SPATA21: variants seen among roughly 807,000 people sequenced by gnomAD.
SPATA21 encodes spermatogenesis-associated protein 21.
Under a neutral mutation model 54.8 loss-of-function variants are expected in SPATA21, and 47 were observed. That is an observed-to-expected ratio of 0.86 (90% confidence interval 0.68 to 1.09). SPATA21 has a LOEUF of 1.09. Ranked by LOEUF, SPATA21 falls within the 50% of genes least tolerant of loss-of-function variation. The pLI, the probability that SPATA21 is intolerant of heterozygous loss-of-function variation, is 0.00. For synonymous variants in SPATA21, 245 were observed against 235.3 expected, an observed-to-expected ratio of 1.04 and a Z score of -0.38; for missense variants, 599 against 596.4, an observed-to-expected ratio of 1.00 and a Z score of -0.05.
At chr1:16,396,969 A>G (rs534417338), downstream of SPATA21, 1 of 152,426 alleles carries the variant, frequency 6.6e-6, no homozygotes, top group African/African-American at 2.4e-5. Context: ...TGCTATCTTT[A>G]TAGTTCCACT....
intron 5 of SPATA21, among the ~76,000 whole-genome samples, chr1:16,420,094 G>A (rs2086125904): frequency 6.6e-6 from 1 of 152,000 alleles, no homozygotes; most frequent in African/African-American, 2.4e-5. Flanking sequence ...AGGGAGACTG[G>A]GAAGGAGTTG....
At chr1:16,401,595 A>G (rs1364014902) in intron 10 of SPATA21, among the ~76,000 whole-genome samples, 2 of 152,108 alleles carry the variant, frequency 1.3e-5, no homozygotes, top group Non-Finnish European at 2.9e-5. Context: ...TGCATTACCT[A>G]TGATTACCTA....
chr1:16,422,577 C>T (rs1378013099), intron 3 of SPATA21, among the ~76,000 whole-genome samples: 5 of 151,298 alleles, frequency 3.3e-5, no homozygotes, highest in South Asian at 2.1e-4. Context: ...AAGAACACAG[C>T]TCATTGTAGC....
In SPATA21 at chr1:16,403,993, G is replaced by A. The variant is rs776546391; in HGVS notation, c.858C>T (p.Asp286=). Residue 286 remains aspartate (D), a synonymous_variant, in exon 9 of 13, where the codon GAC becomes GAT. Coordinates refer to ENST00000335496, the MANE Select transcript of SPATA21 (RefSeq NM_198546.1). ...DFKDFLAVMT[D]TRRFFCSVEQ... is the part of the protein sequence containing the mutation. ...CCACAGAGCAGAAGAAGCGCCTGGT[G>A]TCTGTCATCACAGCCAAGAAGTCTT... is the stretch of plus-strand genomic sequence containing the variant. 9.6e-6 allele frequency: 15 copies of A among 1,568,874 alleles called. No individual in the cohort carries two copies. In the South Asian group the frequency reaches 1.2e-4, roughly 12 times the overall value.
intron 7 of SPATA21, among the ~76,000 whole-genome samples, chr1:16,407,856 C>T (rs2085696283): frequency 6.6e-6 from 1 of 152,164 alleles, no homozygotes; most frequent in Admixed American, 6.5e-5. Context: ...ACCTCGAACT[C>T]CTGAGCTCAA....
At chr1:16,407,755 G>T (rs1208744056) in intron 7 of SPATA21, among the ~76,000 whole-genome samples, 1 of 150,718 alleles carries the variant, frequency 6.6e-6, no homozygotes, top group Admixed American at 6.6e-5. Flanking sequence ...ACTGCTCCCG[G>T]TTGGAGTTGT....
chr1:16,399,803 A>T (rs2085386988), intron 11 of SPATA21, among the ~76,000 whole-genome samples: 2 of 152,178 alleles, frequency 1.3e-5, no homozygotes, highest in Non-Finnish European at 2.9e-5. Context: ...GGACTTTGTG[A>T]TGGGTGTTGG....
intron 3 of SPATA21, among the ~76,000 whole-genome samples, chr1:16,426,107 C>A (rs910134337): frequency 1.3e-5 from 2 of 151,912 alleles, no homozygotes; most frequent in African/African-American, 4.8e-5. Context: ...AAACAAAAAT[C>A]AGAACTGGGA....
At chr1:16,424,261 C>G (rs927389129) in intron 3 of SPATA21, among the ~76,000 whole-genome samples, 1 of 114,126 alleles carries the variant, frequency 8.8e-6, no homozygotes, top group African/African-American at 3.4e-5. Flanking sequence ...TGCAGTGAGC[C>G]GAGATTGCGC....
rs2086608490 is a variant in SPATA21 at position 16,437,268 on chromosome 1, A to AATAG, written c.-331_-328dup. 1 of 152,270 alleles carries AATAG rather than the reference A, an allele frequency of 6.6e-6. No individual in the cohort carries two copies. Among genetic ancestry groups the AATAG allele is most frequent in the African/African-American group, 2.4e-5 (1 of 41,454 alleles). The allele number at this position is 152,270 out of a possible 1,614,324, so 9.4% of individuals were successfully genotyped here. ...TGGTATACAGGGCAGTTAAACTGGG[A>AATAG]ATAGATGGCAGGTCCAATTATTCTC... is the stretch of plus-strand genomic sequence containing the variant. On this transcript the variant is annotated 5_prime_UTR_variant, in exon 1 of 13. Transcript: ENST00000335496.
At chr1:16,412,526 G>A (rs140692975) in intron 5 of SPATA21, among the ~76,000 whole-genome samples, 193 of 152,134 alleles carry the variant, frequency 1.3e-3, no homozygotes, top group African/African-American at 4.1e-3. Context: ...GTAGTGGCAC[G>A]ATCTTGGCTC....
intron 5 of SPATA21, among the ~76,000 whole-genome samples, chr1:16,417,070 C>G (rs1202979001): frequency 6.6e-6 from 1 of 152,200 alleles, no homozygotes; most frequent in Admixed American, 6.5e-5. Flanking sequence ...CACGGTGAGC[C>G]TGCCTCACAT....
chr1:16,430,510 AGGCTG>A (rs1175957534), intron 3 of SPATA21, among the ~76,000 whole-genome samples: 3 of 152,208 alleles, frequency 2.0e-5, no homozygotes, highest in Non-Finnish European at 4.4e-5. Flanking sequence ...CTTAGGATGC[AGGCTG>A]GGCTCTGGGG....
intron 1 of SPATA21, among the ~76,000 whole-genome samples, chr1:16,436,761 G>A (rs900499404): frequency 1.8e-4 from 27 of 149,770 alleles, no homozygotes; most frequent in Non-Finnish European, 3.2e-4. Context: ...GCAAGACTCC[G>A]TCTCAAAAAA....
intron 5 of SPATA21, among the ~76,000 whole-genome samples, chr1:16,420,893 T>C (rs747980786): frequency 6.6e-6 from 1 of 152,130 alleles, no homozygotes; most frequent in Non-Finnish European, 1.5e-5. Context: ...CATGAGTGGT[T>C]AATGCTTGAA....
chr1:16,403,805 TG>T lies in SPATA21; in HGVS notation c.922del (p.His308ThrfsTer12). ...ALSDMAPHNPHTLLFEILSLL... is the reference protein window; with the variant it reads ...ALSDMAPHNPXTLLFEILSLL... Reference sequence around the variant, plus strand: ...GGACAGGATCTCAAAGAGTAGAGTGTGGGGGTTGTGGGGAGCCATGTCCGAC... The same window carrying T: ...GGACAGGATCTCAAAGAGTAGAGTGTGGGGTTGTGGGGAGCCATGTCCGAC... On this transcript the variant is annotated frameshift_variant, in exon 10 of 13. Transcript: ENST00000335496. LOFTEE classifies it high-confidence loss of function. 1 of 1,611,070 alleles carries T rather than the reference TG, an allele frequency of 6.2e-7. No individual in the cohort carries two copies. The highest frequency in any genetic ancestry group is 2.2e-5 in the East Asian group (1 of 44,862).
At chr1:16,419,701 A>G (rs886881040) in intron 5 of SPATA21, among the ~76,000 whole-genome samples, 2 of 152,218 alleles carry the variant, frequency 1.3e-5, no homozygotes, top group Non-Finnish European at 2.9e-5. Flanking sequence ...GCAGTTTGGG[A>G]GGCTGAGGCG....
intron 7 of SPATA21, among the ~76,000 whole-genome samples, chr1:16,407,851 G>T (rs1034259955): frequency 6.6e-6 from 1 of 152,034 alleles, no homozygotes; most frequent in Non-Finnish European, 1.5e-5. Context: ...CCATAACCTC[G>T]AACTCCTGAG....
At chr1:16,401,858 A>G (rs1370361854) in intron 10 of SPATA21, among the ~76,000 whole-genome samples, 1 of 152,102 alleles carries the variant, frequency 6.6e-6, no homozygotes, top group East Asian at 1.9e-4. Context: ...AGACTACAAC[A>G]TCATTCATTT....
Sources: allele counts gnomAD v4.1 joint callset (sites outside exome capture counted in the v4.1 genomes callset), GRCh38; gene constraint gnomAD v4.1.1; transcripts MANE v1.5; gene names NCBI Gene and HGNC (gene_info 2026-07-23, HGNC 2026-07-21).